Variants in DCX observed in about 807,000 individuals in gnomAD.
The protein encoded by DCX is doublecortin, also known as neuronal migration protein doublecortin.
DCX carries 4 observed loss-of-function variants against 20.9 expected under a neutral mutation model. That is an observed-to-expected ratio of 0.19 (90% CI 0.09 to 0.44). The LOEUF is 0.44. DCX is among the 20% of genes least tolerant of loss of function. DCX has a pLI of 0.99. For synonymous variants in DCX, 103 were observed against 111.4 expected (o/e 0.92, Z 0.47); for missense variants, 133 against 296.9 (o/e 0.45, Z 4.06).
intron 3 of DCX, among the ~76,000 whole-genome samples, chrX:111,351,228 C>A (rs189187067): frequency 7.2e-5 from 8 of 111,706 alleles, no homozygotes; most frequent in African/African-American, 2.6e-4. Flanking sequence ...GTTCTTAGAC[C>A]CAGTTTTTGC....
chrX:111,394,374 G>A (rs893118376), intron 3 of DCX, among the ~76,000 whole-genome samples: 11 of 111,721 alleles, frequency 9.8e-5, no homozygotes, highest in African/African-American at 1.6e-4. Flanking sequence ...AGGGTACAGC[G>A]TTTCTTTTTG....
chrX:111,315,256 A>C (rs1323221588), intron 5 of DCX, among the ~76,000 whole-genome samples: 1 of 94,827 alleles, frequency 1.1e-5, no homozygotes, highest in East Asian at 3.3e-4. Context: ...ACCCCATCAA[A>C]AAGTGGGCGA....
chrX:111,399,194 T>C (rs1057449125), intron 3 of DCX, among the ~76,000 whole-genome samples: 5 of 110,902 alleles, frequency 4.5e-5, no homozygotes, highest in African/African-American at 1.6e-4. Flanking sequence ...ATAAATCTCA[T>C]TTAATGATGA....
At position 111,411,052 on chromosome X, in the gene DCX, G is replaced by A. The variant is rs1386218362; in HGVS notation, c.-22-632C>T. 3.2e-6 allele frequency: 3 copies of A among 927,055 alleles called. No individual in the cohort carries two copies. The African/African-American group carries it at 5.9e-5, about 18-fold the overall frequency. The allele number at this position is 927,055 out of a possible 1,213,427, so 76.4% of individuals were successfully genotyped here. On this transcript the variant is annotated intron_variant, in intron 1 of 6. Coordinates refer to ENST00000636035, the MANE Select transcript of DCX (RefSeq NM_001195553.2). ...ATAAACTAAGATTCTCCTTTAAAGG[G>A]ACAGCCTCCAGGGAACAGCCAGTGT...
At chrX:111,359,861 T>C (rs1924058915) in intron 3 of DCX, among the ~76,000 whole-genome samples, 1 of 111,794 alleles carries the variant, frequency 8.9e-6, no homozygotes, top group African/African-American at 3.2e-5. Flanking sequence ...AGTAGTGTTG[T>C]TGAAGGTATG....
intron 3 of DCX, among the ~76,000 whole-genome samples, chrX:111,385,955 A>C: frequency 9.0e-6 from 1 of 111,583 alleles, no homozygotes; most frequent in African/African-American, 3.2e-5. Context: ...CTTGTTTTCT[A>C]TCTCTCACTA....
chrX:111,297,814 A>T lies in DCX; in HGVS notation c.*3873T>A, dbSNP rs2095024978. ...ACGATGGGAAGAGTGTATAGAGCAC[A>T]CAGCTTGCTATTTTGGTGCAAACAC... On this transcript the variant is annotated 3_prime_UTR_variant, in exon 7 of 7. Transcript: ENST00000636035. 8.9e-6 allele frequency: 1 copy of T among 111,902 alleles called. No individual in the cohort carries two copies. The highest frequency in any genetic ancestry group is 9.4e-5 in the Admixed American group (1 of 10,598). 9.2% of individuals were successfully genotyped at this position (111,902 alleles called of 1,213,427 possible).
chrX:111,356,208 G>A (rs1018558032), intron 3 of DCX, among the ~76,000 whole-genome samples: 2 of 112,706 alleles, frequency 1.8e-5, no homozygotes, highest in Non-Finnish European at 3.8e-5. Flanking sequence ...GTTGATGGAA[G>A]GCATGCCCTG....
At chrX:111,393,852 G>T (rs1206617650) in intron 3 of DCX, among the ~76,000 whole-genome samples, 1 of 111,168 alleles carries the variant, frequency 9.0e-6, no homozygotes, top group Admixed American at 9.5e-5. Context: ...GATAACAAGT[G>T]TTGGTGAGGA....
chrX:111,346,349 T>C (rs1922821584), intron 3 of DCX, among the ~76,000 whole-genome samples: 1 of 112,421 alleles, frequency 8.9e-6, no homozygotes, highest in Non-Finnish European at 1.9e-5. Context: ...ATGTGGTATA[T>C]CCATACAATG....
At chrX:111,343,037 GC>G (rs1922427524) in intron 3 of DCX, among the ~76,000 whole-genome samples, 1 of 109,367 alleles carries the variant, frequency 9.1e-6, no homozygotes, top group Admixed American at 9.8e-5. Flanking sequence ...TAATCCAAAA[GC>G]TAGCAGAAGA....
intron 4 of DCX, among the ~76,000 whole-genome samples, chrX:111,332,002 G>C (rs1288681206): frequency 2.7e-5 from 3 of 112,734 alleles, no homozygotes; most frequent in Non-Finnish European, 5.6e-5. Flanking sequence ...TCAAACAGCA[G>C]AGTAGAGGAT....
intron 3 of DCX, among the ~76,000 whole-genome samples, chrX:111,343,319 T>C (rs1451189991): frequency 1.8e-5 from 2 of 109,414 alleles, no homozygotes; most frequent in African/African-American, 6.7e-5. Flanking sequence ...CTAGAAAATC[T>C]AGAAGAAATG....
At chrX:111,331,398 G>A (rs1032856135) in intron 4 of DCX, among the ~76,000 whole-genome samples, 2 of 112,190 alleles carry the variant, frequency 1.8e-5, no homozygotes, top group African/African-American at 6.5e-5. Flanking sequence ...CCCTGAATTA[G>A]AGATTAACAA....
At chrX:111,308,153 A>G (rs1416600715) in intron 6 of DCX, among the ~76,000 whole-genome samples, 1 of 112,463 alleles carries the variant, frequency 8.9e-6, no homozygotes, top group Non-Finnish European at 1.9e-5. Context: ...AAACACACAT[A>G]TTGCTTAGCA....
At chrX:111,330,028 A>G (rs372801586) in intron 5 of DCX, among the ~76,000 whole-genome samples, 3 of 111,879 alleles carry the variant, frequency 2.7e-5, no homozygotes, top group African/African-American at 9.8e-5. Flanking sequence ...TTTATTTTTG[A>G]TATTTGTTAT....
intron 3 of DCX, among the ~76,000 whole-genome samples, chrX:111,334,731 T>C (rs1921562922): frequency 8.9e-6 from 1 of 111,887 alleles, no homozygotes; most frequent in African/African-American, 3.3e-5. Context: ...GATCAGTCAC[T>C]GGGGAGACAA....
chrX:111,349,614 A>G (rs185882332), intron 3 of DCX, among the ~76,000 whole-genome samples: 76 of 112,020 alleles, frequency 6.8e-4, no homozygotes, highest in African/African-American at 2.4e-3. Flanking sequence ...CAGCTTGATT[A>G]TAGATATTCT....
intron 3 of DCX, among the ~76,000 whole-genome samples, chrX:111,390,347 C>T (rs1283044686): frequency 8.9e-6 from 1 of 111,983 alleles, no homozygotes; most frequent in Non-Finnish European, 1.9e-5. Context: ...AGGTCTTAAA[C>T]AGAGAATCTA....
Sources: allele counts gnomAD v4.1 joint callset (sites outside exome capture counted in the v4.1 genomes callset), GRCh38; gene constraint gnomAD v4.1.1; transcripts MANE v1.5; gene names NCBI Gene and HGNC (gene_info 2026-07-23, HGNC 2026-07-21).